Variants in TMC5 observed in about 807,000 individuals in gnomAD.
The protein encoded by TMC5 is transmembrane channel-like protein 5.
A neutral mutation model predicts 110.5 loss-of-function variants in TMC5; 86 were observed. The observed-to-expected ratio is 0.78, with a 90% CI of 0.65 to 0.93. TMC5 has a LOEUF of 0.93. TMC5 is among the 40% of genes least tolerant of loss of function. The pLI is 0.00. For synonymous variants in TMC5, 455 were observed against 439.5 expected (o/e 1.04, Z -0.44); for missense variants, 1,144 against 1,222.8 (o/e 0.94, Z 0.96).
At chr16:19,420,790 AAGAC>A (rs1324352846) in intron 1 of TMC5, among the ~76,000 whole-genome samples, 4 of 152,204 alleles carry the variant, frequency 2.6e-5, no homozygotes, top group African/African-American at 9.6e-5. Context: ...AAAAGAAAAA[AAGAC>A]AGTCCTGTGT....
chr16:19,434,399 T>TG, intron 2 of TMC5, among the ~76,000 whole-genome samples: 1 of 120,344 alleles, frequency 8.3e-6, no homozygotes, highest in African/African-American at 3.1e-5. Flanking sequence ...AGATATAATA[T>TG]ATATATCATA....
intron 17 of TMC5, among the ~76,000 whole-genome samples, chr16:19,488,806 T>G (rs1968814240): frequency 6.6e-6 from 1 of 152,200 alleles, no homozygotes; most frequent in African/African-American, 2.4e-5. Flanking sequence ...ACTCAACGAT[T>G]GTCCGTTTTT....
At chr16:19,420,219 G>T (rs758163185) in intron 1 of TMC5, among the ~76,000 whole-genome samples, 1 of 152,082 alleles carries the variant, frequency 6.6e-6, no homozygotes, top group Non-Finnish European at 1.5e-5. Context: ...GAGATTAGGA[G>T]ATCAAGACCA....
chr16:19,477,714 G>T (rs1294348293), intron 13 of TMC5, among the ~76,000 whole-genome samples, 196 bp downstream of exon 13: 1 of 152,180 alleles, frequency 6.6e-6, no homozygotes, highest in Non-Finnish European at 1.5e-5. Flanking sequence ...GAGTCAGGAG[G>T]ACCTGATTTG....
At chr16:19,455,014 G>A (rs531676010) in intron 5 of TMC5, among the ~76,000 whole-genome samples, 1 of 152,036 alleles carries the variant, frequency 6.6e-6, no homozygotes, top group African/African-American at 2.4e-5. Context: ...GTGCCCCTGT[G>A]GTCCCAGATA....
At chr16:19,457,110 C>T in intron 5 of TMC5, 1 of 1,102,974 alleles carries the variant, frequency 9.1e-7, no homozygotes, top group Admixed American at 2.5e-5. Flanking sequence ...TCAAGTGGGG[C>T]CAGGCGTGGT....
rs527436593 is a variant in TMC5, at chr16:19,447,457, A to G, written c.959-2085A>G. On this transcript the variant is annotated intron_variant, in intron 4 of 21. Coordinates refer to ENST00000542583, the MANE Select transcript of TMC5 (RefSeq NM_001261841.2). ...GAAATGTAATATTTGCTGAATAACA[A>G]TTAATCTACTATAACAGTTAATATA... 6.6e-5 allele frequency among the ~76,000 whole-genome samples: 10 copies of G among 152,338 alleles called. No individual in the cohort carries two copies. The East Asian group carries it at 1.7e-3, about 26-fold the overall frequency.
At chr16:19,471,016 A>G (rs1042299811) in intron 10 of TMC5, among the ~76,000 whole-genome samples, 31 of 152,312 alleles carry the variant, frequency 2.0e-4, no homozygotes, top group African/African-American at 7.0e-4. Context: ...AGCCTGGGCA[A>G]CAAGAGTGAA....
intron 1 of TMC5, among the ~76,000 whole-genome samples, chr16:19,426,722 T>G (rs377388451): frequency 5.3e-5 from 8 of 152,334 alleles, no homozygotes; most frequent in African/African-American, 1.9e-4. Context: ...AAAAAGCAAT[T>G]TAATCATCTT....
At chr16:19,476,682 T>C (rs1968498030) in intron 12 of TMC5, among the ~76,000 whole-genome samples, 2 of 152,200 alleles carry the variant, frequency 1.3e-5, no homozygotes, top group Admixed American at 1.3e-4. Flanking sequence ...CATTTGGAGA[T>C]GCAACAAAAG....
intron 5 of TMC5, among the ~76,000 whole-genome samples, chr16:19,454,823 A>C (rs1470596979): frequency 3.3e-5 from 5 of 152,206 alleles, no homozygotes; most frequent in African/African-American, 1.2e-4. Flanking sequence ...TTAGCAATAA[A>C]GGGGTTTATT....
At chr16:19,484,952 A>G (rs1968702711) in intron 15 of TMC5, among the ~76,000 whole-genome samples, 1 of 151,896 alleles carries the variant, frequency 6.6e-6, no homozygotes, top group Non-Finnish European at 1.5e-5. Flanking sequence ...ACAAGAAGAT[A>G]ATATAATGAC....
intron 6 of TMC5, among the ~76,000 whole-genome samples, chr16:19,461,819 C>G (rs952399427): frequency 6.6e-6 from 1 of 151,948 alleles, no homozygotes; most frequent in Non-Finnish European, 1.5e-5. Flanking sequence ...GTTTCAAAGA[C>G]AAATTTCAAA....
intron 2 of TMC5, among the ~76,000 whole-genome samples, chr16:19,436,677 T>C (rs1252081227): frequency 6.6e-6 from 1 of 152,232 alleles, no homozygotes; most frequent in Non-Finnish European, 1.5e-5. Context: ...AAACCAGCTT[T>C]AGTCAAAAAG....
chr16:19,451,644 A>G (rs1557515), intron 5 of TMC5, among the ~76,000 whole-genome samples: 10,678 of 151,956 alleles, frequency 0.07, 751 homozygotes, highest in African/African-American at 0.19. Flanking sequence ...AAAGCGATCA[A>G]TTTTACAGCA....
intron 15 of TMC5, among the ~76,000 whole-genome samples, chr16:19,484,589 C>A (rs1193706549): frequency 2.6e-5 from 4 of 152,004 alleles, no homozygotes; most frequent in Admixed American, 1.3e-4. Context: ...TGGTGAAACC[C>A]TGACTCTACT....
chr16:19,494,141 C>T, intron 19 of TMC5, 121 bp from the exon 20 acceptor site: 1 of 746,174 alleles, frequency 1.3e-6, no homozygotes, highest in Non-Finnish European at 2.3e-6. Context: ...AACCTCCATC[C>T]AACTTCTAGG....
intron 6 of TMC5, among the ~76,000 whole-genome samples, chr16:19,462,273 G>A (rs889867260): frequency 3.3e-5 from 5 of 152,008 alleles, no homozygotes; most frequent in South Asian, 2.1e-4. Flanking sequence ...TTCATTGTAG[G>A]GTGTGTAGCA....
intron 14 of TMC5, 69 bp from the exon 15 acceptor site, chr16:19,481,301 C>A: frequency 8.9e-7 from 1 of 1,124,324 alleles, no homozygotes; most frequent in South Asian, 1.2e-5. Context: ...GTTGATTGTC[C>A]TAGTCTGTGG....
Sources: gnomAD v4.1 joint callset for allele counts (sites outside exome capture counted in the v4.1 genomes callset) on GRCh38, gnomAD v4.1.1 for gene constraint, MANE v1.5 for transcripts, NCBI Gene and HGNC (gene_info 2026-07-23, HGNC 2026-07-21) for gene names.